BTBD7: variants seen among roughly 807,000 people sequenced by gnomAD.
BTBD7 encodes the protein BTB domain containing 7.
In BTBD7, 38 loss-of-function variants were observed where a neutral mutation model predicts 99.9. The observed-to-expected ratio is 0.38, with a 90% CI of 0.29 to 0.50. The LOEUF (loss-of-function observed/expected upper bound fraction) is 0.50, where lower values mean the gene tolerates loss of function less well. Ranked by LOEUF, BTBD7 falls within the 20% of genes least tolerant of loss-of-function variation. The pLI is 0.93. For missense variants in BTBD7, 1,170 were observed against 1,394.6 expected (o/e 0.84, Z 2.57); for synonymous variants, 520 against 511.4 (o/e 1.02, Z -0.23).
chr14:93,304,651 C>A (rs561795526), intron 1 of BTBD7, among the ~76,000 whole-genome samples: 1 of 152,308 alleles, frequency 6.6e-6, no homozygotes, highest in African/African-American at 2.4e-5. Flanking sequence ...CGTGCCCGGC[C>A]TAGATTTGAG....
intron 3 of BTBD7, among the ~76,000 whole-genome samples, chr14:93,292,401 T>C (rs1299865474): frequency 1.3e-5 from 2 of 152,186 alleles, no homozygotes; most frequent in Non-Finnish European, 2.9e-5. Context: ...TGCTACTCTA[T>C]TTTTGATAAC....
In BTBD7 at chr14:93,244,855, C is replaced by CTTT. The variant is rs58775665; in HGVS notation, c.2583+967_2583+969dup. Among the ~76,000 whole-genome samples the CTTT allele has an allele frequency of 4.7e-3, 508 of 107,394 alleles. 21 individuals are homozygous for CTTT. Among genetic ancestry groups the CTTT allele is most frequent in the African/African-American group, 0.014 (375 of 26,960 alleles). 70.5% of individuals were successfully genotyped at this position (107,394 alleles called of 152,430 possible). ...ATGAAGACTTACAAATCTTACAAAT[C>CTTT]TTTTTTTTTTTTTTTTTTTTTGAGA... On this transcript the variant is annotated intron_variant, in intron 10 of 10. Coordinates refer to ENST00000334746, the MANE Select transcript of BTBD7 (RefSeq NM_001002860.4).
In BTBD7 at chr14:93,330,812, A is replaced by C. The variant is rs543930852; in HGVS notation, c.-107+2008T>G. Among the ~76,000 whole-genome samples, 4 of 152,352 alleles carry C rather than the reference A, an allele frequency of 2.6e-5. No individual in the cohort carries two copies. In the East Asian group the frequency reaches 7.7e-4, roughly 29 times the overall value. On this transcript the variant is annotated intron_variant, in intron 1 of 10. Transcript: ENST00000334746. The stretch of plus-strand genomic sequence containing the variant: ...TCCGAAGGTTTACCTGAGACACACT[A>C]TAAAAATGCTGTGACTCAAGATGAT...
chr14:93,249,126 G>A (rs552380655), intron 8 of BTBD7, among the ~76,000 whole-genome samples: 1 of 152,138 alleles, frequency 6.6e-6, no homozygotes, highest in East Asian at 1.9e-4. Flanking sequence ...ACAATATAGG[G>A]TCATAAATGT....
At chr14:93,295,560 A>G (rs1293221514) in intron 2 of BTBD7, among the ~76,000 whole-genome samples, 1 of 152,214 alleles carries the variant, frequency 6.6e-6, no homozygotes. Context: ...GTTTTTAGGA[A>G]TGAAAAATAG....
chr14:93,265,599 G>C (rs1481743261), intron 3 of BTBD7, among the ~76,000 whole-genome samples: 1 of 152,224 alleles, frequency 6.6e-6, no homozygotes, highest in Non-Finnish European at 1.5e-5. Context: ...TTGATGCGTG[G>C]AGTGGGAAGT....
intron 1 of BTBD7, among the ~76,000 whole-genome samples, chr14:93,311,078 A>T (rs2053131954): frequency 6.6e-6 from 1 of 152,232 alleles, no homozygotes; most frequent in Non-Finnish European, 1.5e-5. Flanking sequence ...ACTAATTTTC[A>T]AAACAATTAG....
At chr14:93,328,740 A>C (rs1469621218) in intron 1 of BTBD7, among the ~76,000 whole-genome samples, 2 of 151,788 alleles carry the variant, frequency 1.3e-5, no homozygotes, top group South Asian at 2.1e-4. Flanking sequence ...ACATAGTGAG[A>C]CCCCATCTCC....
chr14:93,322,954 C>T (rs10135176), intron 1 of BTBD7, among the ~76,000 whole-genome samples: 13,236 of 150,800 alleles, frequency 0.088, 653 homozygotes, highest in Admixed American at 0.15. Context: ...CCCATCTCTA[C>T]AAAAAAAAAT....
Position 93,294,496 on chromosome 14 carries a change from G to A in BTBD7, c.524C>T (p.Pro175Leu). 6.2e-7 allele frequency: 1 copy of A among 1,614,064 alleles called. No individual in the cohort carries two copies. ...PFFKTLLSSS[P>L]EYGAEIIMDI... ...CATTATTATCTCTGCCCCATACTCT[G>A]GTGAGGAAGAAAGCAGTGTTTTAAA... The change falls in exon 3 of 11, where the codon CCA (proline) becomes CTA (leucine). Residue 175 changes from proline to leucine, a missense_variant. Pro to Leu is a moderately conservative substitution (Grantham distance 98). Around this residue, in one of 4 missense-constraint regions of BTBD7, gnomAD observed 359 missense variants for 497.9 expected, o/e 0.72. Transcript: ENST00000334746.
intron 3 of BTBD7, among the ~76,000 whole-genome samples, chr14:93,289,703 A>C (rs2052823629): frequency 6.6e-6 from 1 of 152,212 alleles, no homozygotes; most frequent in Admixed American, 6.5e-5. Flanking sequence ...TGTTATGTTT[A>C]AATGAAAATC....
chr14:93,322,321 G>A lies in BTBD7; in HGVS notation c.-107+10499C>T, dbSNP rs554528184. Among the ~76,000 whole-genome samples, 5 of 151,966 alleles carry A rather than the reference G, an allele frequency of 3.3e-5. No homozygotes were observed. The South Asian group carries it at 1.0e-3, about 32-fold the overall frequency. ...TTTTGTAGAGGTGTGATCTCGCTAT[G>A]TTGCCCAGACTGGTCTTCAATTCCA... On this transcript the variant is annotated intron_variant, in intron 1 of 10. Coordinates refer to ENST00000334746, the MANE Select transcript of BTBD7 (RefSeq NM_001002860.4).
chr14:93,243,919 C>T (rs574984998), intron 10 of BTBD7: 8 of 161,574 alleles, frequency 5.0e-5, no homozygotes, highest in Non-Finnish European at 9.4e-5. Flanking sequence ...GACCAACCTT[C>T]GCCATTCTGG....
chr14:93,262,783 T>C (rs935692672), intron 4 of BTBD7, among the ~76,000 whole-genome samples: 2 of 110,542 alleles, frequency 1.8e-5, no homozygotes, highest in Non-Finnish European at 3.3e-5. Context: ...CTGCTCTCTG[T>C]TTTTTTTTTT....
chr14:93,245,052 G>A (rs1325687427), intron 10 of BTBD7, among the ~76,000 whole-genome samples: 2 of 151,366 alleles, frequency 1.3e-5, no homozygotes, highest in Non-Finnish European at 2.9e-5. Context: ...GGTAGAGTCA[G>A]GGTCTCACTA....
In BTBD7 at chr14:93,294,913, C is replaced by T. The variant is rs1566854272; in HGVS notation, c.107G>A (p.Gly36Asp). The T allele has an allele frequency of 1.3e-6, 2 of 1,590,886 alleles. No homozygotes were observed. Among genetic ancestry groups the T allele is most frequent in the Admixed American group, 1.9e-5 (1 of 53,222 alleles). ...ATACAACTTTGATTCGCAACCATAG[C>T]CTTGCTGAGAATAGGATGAGGTCCC... ...FIGTSSYSQQ[G>D]YGCESKLYSL... Residue 36 changes from glycine (G) to aspartate (D), a missense_variant, in exon 3 of 11, where the codon GGC becomes GAC. Coordinates refer to ENST00000334746, the MANE Select transcript of BTBD7 (RefSeq NM_001002860.4).
chr14:93,261,707 T>C, intron 4 of BTBD7, 30 bp from the exon 5 acceptor site: 4 of 1,508,186 alleles, frequency 2.7e-6, no homozygotes, highest in Non-Finnish European at 3.7e-6. Context: ...ATATTTATTT[T>C]AGTGAAATTA....
Position 93,242,454 on chromosome 14 carries a change from G to C in BTBD7, c.3218C>G (p.Pro1073Arg). The change falls in exon 11 of 11, where the codon CCT becomes CGT. Residue 1073 changes from proline (P) to arginine (R), a missense_variant. Around this residue, in one of 4 missense-constraint regions of BTBD7, gnomAD observed 495 missense variants for 525.9 expected, o/e 0.94. Coordinates refer to ENST00000334746, the MANE Select transcript of BTBD7 (RefSeq NM_001002860.4). ...DLTFGLTPNR[P>R]SLSACSSEAP... ...TTCAGAGCTACATGCAGAAAGTGAA[G>C]GTCTGTTAGGAGTCAGCCCAAAAGT... 1 of 1,614,226 alleles carries C rather than the reference G, an allele frequency of 6.2e-7. No homozygotes were observed. Among genetic ancestry groups the C allele is most frequent in the South Asian group, 1.1e-5 (1 of 91,088 alleles).
At position 93,302,879 on chromosome 14, in the gene BTBD7, G is replaced by T. The variant is rs202016840; in HGVS notation, c.-106-6722C>A. 3.3e-5 allele frequency among the ~76,000 whole-genome samples: 5 copies of T among 152,070 alleles called. No individual in the cohort carries two copies. In the East Asian group the frequency reaches 9.7e-4, roughly 29 times the overall value. On this transcript the variant is annotated intron_variant, in intron 1 of 10. Coordinates refer to ENST00000334746, the MANE Select transcript of BTBD7 (RefSeq NM_001002860.4). ...AAAAAACCACTTAGCCAGGCAAAGT[G>T]GTGTGTGCCTGTAGTCCCAGCTATT...
Sources: allele counts gnomAD v4.1 joint callset (sites outside exome capture counted in the v4.1 genomes callset), GRCh38; gene constraint gnomAD v4.1.1; regional missense constraint gnomAD v4.1.1; transcripts MANE v1.5; gene names NCBI Gene and HGNC (gene_info 2026-07-23, HGNC 2026-07-21).